Variants in CCDC192 observed in about 807,000 individuals in gnomAD.
The protein encoded by CCDC192 is coiled-coil domain containing 192.
In CCDC192 at chr5:127,719,472, CATACAT is replaced by C. The variant is rs1400074389; in HGVS notation, c.114+11716_114+11721del. Among the ~76,000 whole-genome samples, 267 of 84,008 alleles carry C rather than the reference CATACAT, an allele frequency of 3.2e-3. 4 individuals carry two copies. In the Middle Eastern group the frequency reaches 0.045, roughly 14 times the overall value. The allele number at this position is 84,008 out of a possible 152,430, so 55.1% of individuals were successfully genotyped here. On this transcript the variant is annotated intron_variant, in intron 2 of 6. Coordinates refer to ENST00000514853, the MANE Select transcript of CCDC192 (RefSeq NM_001317938.2). ...ATATACATACATATATATACAGACA[CATACAT>C]ATATATATATATATATACACACACA... is the stretch of plus-strand genomic sequence containing the variant.
intron 6 of CCDC192, 138 bp downstream of exon 6, chr5:127,875,799 AACT>A: frequency 2.5e-6 from 1 of 393,792 alleles, no homozygotes; most frequent in East Asian, 3.6e-5. Flanking sequence ...ACAGCACATG[AACT>A]ACTAACTCCA....
intron 3 of CCDC192, among the ~76,000 whole-genome samples, chr5:127,774,659 T>C (rs374259643): frequency 1.6e-3 from 238 of 152,320 alleles, no homozygotes; most frequent in African/African-American, 5.5e-3. Context: ...ACTGTAGCTT[T>C]GTAGTAAGTT....
intron 5 of CCDC192, among the ~76,000 whole-genome samples, chr5:127,802,501 C>T (rs1381603540): frequency 1.3e-5 from 2 of 152,170 alleles, no homozygotes; most frequent in African/African-American, 4.8e-5. Context: ...CTCCTTGCTA[C>T]CCTGAATGCC....
intron 3 of CCDC192, among the ~76,000 whole-genome samples, chr5:127,792,232 A>G (rs963393143): frequency 3.3e-5 from 5 of 152,348 alleles, no homozygotes; most frequent in Admixed American, 2.0e-4. Flanking sequence ...CTTACAGTTC[A>G]ACATGACTAC....
At chr5:127,843,530 C>T (rs1256292306) in intron 5 of CCDC192, among the ~76,000 whole-genome samples, 2 of 149,792 alleles carry the variant, frequency 1.3e-5, no homozygotes, top group Non-Finnish European at 3.0e-5. Context: ...CTCTACCTCC[C>T]GGGTTCAAGT....
intron 6 of CCDC192, among the ~76,000 whole-genome samples, chr5:127,923,035 G>A (rs1753766971): frequency 6.6e-6 from 1 of 152,198 alleles, no homozygotes; most frequent in Non-Finnish European, 1.5e-5. Flanking sequence ...TGTAAAGGGA[G>A]AGCAAAGAGA....
intron 3 of CCDC192, among the ~76,000 whole-genome samples, chr5:127,779,001 T>A (rs779378017): frequency 6.6e-6 from 1 of 152,146 alleles, no homozygotes; most frequent in African/African-American, 2.4e-5. Flanking sequence ...TTACATCTTA[T>A]GTCTGTTTTT....
At chr5:127,822,021 C>CTTTTT (rs1749315970) in intron 5 of CCDC192, among the ~76,000 whole-genome samples, 1 of 152,204 alleles carries the variant, frequency 6.6e-6, no homozygotes, top group Non-Finnish European at 1.5e-5. Context: ...TGAACTCTGG[C>CTTTTT]ATTTTCCTCC....
intron 5 of CCDC192, among the ~76,000 whole-genome samples, chr5:127,816,258 C>G (rs1363180480): frequency 1.3e-5 from 2 of 152,024 alleles, no homozygotes; most frequent in East Asian, 1.9e-4. Context: ...ATCAGTAAAG[C>G]TTTTTAGAGG....
chr5:127,869,927 A>G (rs1751776392), intron 5 of CCDC192, among the ~76,000 whole-genome samples: 1 of 152,182 alleles, frequency 6.6e-6, no homozygotes, highest in Admixed American at 6.5e-5. Context: ...GATTTCCAAG[A>G]TCTGACTCTC....
At chr5:127,781,767 A>G (rs533906602) in intron 3 of CCDC192, among the ~76,000 whole-genome samples, 1 of 152,266 alleles carries the variant, frequency 6.6e-6, no homozygotes, top group Non-Finnish European at 1.5e-5. Context: ...AAGGTAAACA[A>G]TCATGTCATC....
At chr5:127,719,834 CG>C (rs60444510) in intron 2 of CCDC192, among the ~76,000 whole-genome samples, 7 of 138,730 alleles carry the variant, frequency 5.0e-5, no homozygotes, top group Non-Finnish European at 1.1e-4. Flanking sequence ...GAGGAAGGGG[CG>C]GGGGAGGTGA....
chr5:127,939,639 TGA>T (rs1343929284), intron 6 of CCDC192, among the ~76,000 whole-genome samples: 1 of 152,062 alleles, frequency 6.6e-6, no homozygotes, highest in African/African-American at 2.4e-5. Context: ...CTTGGGAATG[TGA>T]TGACTGCCAA....
chr5:127,850,122 T>C (rs1465429777), intron 5 of CCDC192, among the ~76,000 whole-genome samples: 1 of 152,224 alleles, frequency 6.6e-6, no homozygotes, highest in Non-Finnish European at 1.5e-5. Flanking sequence ...CCTGAATCTG[T>C]CGCTTCTTTG....
chr5:127,817,211 A>G (rs1749066180), intron 5 of CCDC192, among the ~76,000 whole-genome samples: 1 of 152,194 alleles, frequency 6.6e-6, no homozygotes, highest in African/African-American at 2.4e-5. Flanking sequence ...TCTCAAATTT[A>G]GTGAGTCTTA....
At chr5:127,909,167 T>A (rs571500614) in intron 6 of CCDC192, among the ~76,000 whole-genome samples, 29 of 152,252 alleles carry the variant, frequency 1.9e-4, no homozygotes, top group Middle Eastern at 6.8e-3. Context: ...GATCAACCCC[T>A]GGGCGAGAGC....
chr5:127,876,497 C>G (rs947507262), intron 6 of CCDC192, among the ~76,000 whole-genome samples: 2 of 152,198 alleles, frequency 1.3e-5, no homozygotes, highest in African/African-American at 4.8e-5. Flanking sequence ...TGACCATACC[C>G]TAGTGTGCCT....
At chr5:127,851,298 C>G (rs1750785275) in intron 5 of CCDC192, among the ~76,000 whole-genome samples, 1 of 152,164 alleles carries the variant, frequency 6.6e-6, no homozygotes, top group African/African-American at 2.4e-5. Context: ...ACCATGCAAA[C>G]CTGTGTACCT....
chr5:127,939,687 GT>G (rs34470118), intron 6 of CCDC192, among the ~76,000 whole-genome samples: 6,348 of 144,784 alleles, frequency 0.044, 344 homozygotes, highest in African/African-American at 0.14. Flanking sequence ...TTATTTTTAT[GT>G]TTTTTTTTTT....
Sources: allele counts gnomAD v4.1 joint callset (sites outside exome capture counted in the v4.1 genomes callset), GRCh38; gene constraint gnomAD v4.1.1; transcripts MANE v1.5; gene names NCBI Gene and HGNC (gene_info 2026-07-23, HGNC 2026-07-21).